ZBTB11: variants seen among roughly 807,000 people sequenced by gnomAD.
ZBTB11 encodes zinc finger and BTB domain containing 11, also known as zinc finger and BTB domain-containing protein 11.
ZBTB11 carries 68 observed loss-of-function variants against 113.1 expected under a neutral mutation model. The observed-to-expected ratio is 0.60, with a 90% CI of 0.49 to 0.74. The LOEUF (loss-of-function observed/expected upper bound fraction) is 0.74, where lower values mean the gene tolerates loss of function less well. Among genes scored for constraint, ZBTB11 ranks in the 30% least tolerant of loss-of-function variants. ZBTB11 has a pLI of 0.00. For synonymous variants in ZBTB11, 518 were observed against 452.6 expected (o/e 1.14, Z -1.83); for missense variants, 1,104 against 1,279.4 (o/e 0.86, Z 2.09).
intron 5 of ZBTB11, among the ~76,000 whole-genome samples, chr3:101,661,867 A>G (rs1576647342): frequency 6.7e-6 from 1 of 149,546 alleles, no homozygotes; most frequent in Non-Finnish European, 1.5e-5. Context: ...TGAGTATCTC[A>G]GACCAATTCT....
intron 5 of ZBTB11, among the ~76,000 whole-genome samples, chr3:101,661,827 A>G (rs1032601691): frequency 6.6e-6 from 1 of 152,062 alleles, no homozygotes; most frequent in Non-Finnish European, 1.5e-5. Flanking sequence ...ATTGTTTTCC[A>G]TGTTCTGTTT....
At position 101,651,084 on chromosome 3, in the gene ZBTB11, A is replaced by T. The variant is rs1936693212; in HGVS notation, c.*82T>A. On this transcript the variant is annotated 3_prime_UTR_variant, in exon 11 of 11. Coordinates refer to ENST00000312938, the MANE Select transcript of ZBTB11 (RefSeq NM_014415.4). Reference sequence around the variant, plus strand: ...ACTTTGATATGTAAACTCCAAGCAGACAGTCACACAGAATTGTAAACAAAT... The same window carrying T: ...ACTTTGATATGTAAACTCCAAGCAGTCAGTCACACAGAATTGTAAACAAAT... The T allele has an allele frequency of 1.4e-6, 2 of 1,441,074 alleles. No homozygotes were observed. Among genetic ancestry groups the T allele is most frequent in the South Asian group, 1.4e-5 (1 of 69,526 alleles). The allele number at this position is 1,441,074 out of a possible 1,614,324, so 89.3% of individuals were successfully genotyped here. A position where few individuals can be genotyped will look rare whatever the true frequency, so the allele number is the denominator to read the frequency against.
intron 10 of ZBTB11, 90 bp downstream of exon 10, chr3:101,652,406 C>A: frequency 7.6e-7 from 1 of 1,313,390 alleles, no homozygotes; most frequent in Non-Finnish European, 1.0e-6. Flanking sequence ...TAACCTTTTA[C>A]CAAGGAAGGT....
chr3:101,657,753 G>T (rs1254973642), intron 6 of ZBTB11, among the ~76,000 whole-genome samples: 1 of 152,110 alleles, frequency 6.6e-6, no homozygotes, highest in African/African-American at 2.4e-5. Flanking sequence ...GGGAGGCCCA[G>T]GTGGGAGAAC....
chr3:101,670,965 A>C, intron 3 of ZBTB11, 165 bp downstream of exon 3: 1 of 585,912 alleles, frequency 1.7e-6, no homozygotes, highest in Non-Finnish European at 3.1e-6. Flanking sequence ...CCATAACTCT[A>C]CCACAGAAAT....
chr3:101,657,409 G>A (rs975014311), intron 6 of ZBTB11, among the ~76,000 whole-genome samples: 1 of 151,880 alleles, frequency 6.6e-6, no homozygotes, highest in Non-Finnish European at 1.5e-5. Flanking sequence ...GGGAGGCTGA[G>A]GCAGGAGAAT....
chr3:101,662,009 GTTATT>G, intron 5 of ZBTB11: 1 of 150,236 alleles, frequency 6.7e-6, no homozygotes, highest in South Asian at 2.1e-4. Flanking sequence ...AAATACTCTA[GTTATT>G]TTAATGTGCC....
intron 6 of ZBTB11, among the ~76,000 whole-genome samples, chr3:101,658,605 C>G (rs887462142): frequency 3.3e-5 from 5 of 152,062 alleles, no homozygotes; most frequent in Non-Finnish European, 7.4e-5. Context: ...CTCACGGCAA[C>G]CACCACCTCC....
intron 1 of ZBTB11, among the ~76,000 whole-genome samples, chr3:101,675,076 G>A (rs548067165): frequency 9.8e-5 from 15 of 152,324 alleles, no homozygotes; most frequent in Admixed American, 2.6e-4. Context: ...TCCAAAAAAG[G>A]GAGATAAGTA....
At chr3:101,671,026 G>A in intron 3 of ZBTB11, 104 bp downstream of exon 3, 3 of 906,744 alleles carry the variant, frequency 3.3e-6, no homozygotes, top group Non-Finnish European at 1.7e-6. Context: ...TTGTTAGTGG[G>A]CTTCTCTTAC....
chr3:101,657,452 A>C (rs1936818582), intron 6 of ZBTB11, among the ~76,000 whole-genome samples: 1 of 150,456 alleles, frequency 6.6e-6, no homozygotes, highest in African/African-American at 2.4e-5. Context: ...GTTGCAGTGA[A>C]CTGAGATGGC....
chr3:101,673,934 G>A (rs776870983), intron 1 of ZBTB11, among the ~76,000 whole-genome samples: 1 of 151,822 alleles, frequency 6.6e-6, no homozygotes, highest in Non-Finnish European at 1.5e-5. Context: ...AAAAATTTTA[G>A]CTATATGCAA....
At chr3:101,657,986 A>G (rs1936826420) in intron 6 of ZBTB11, among the ~76,000 whole-genome samples, 1 of 152,136 alleles carries the variant, frequency 6.6e-6, no homozygotes, top group Admixed American at 6.6e-5. Context: ...GGGTAATAAG[A>G]AAGACCCTGT....
At chr3:101,666,882 G>A (rs149714681) in intron 3 of ZBTB11, among the ~76,000 whole-genome samples, 104 of 152,028 alleles carry the variant, frequency 6.8e-4, no homozygotes, top group Admixed American at 4.6e-4. Context: ...TCCGGAGTAG[G>A]TGCGACTACA....
chr3:101,672,416 AT>A (rs987704794), intron 1 of ZBTB11, among the ~76,000 whole-genome samples: 1 of 152,112 alleles, frequency 6.6e-6, no homozygotes, highest in African/African-American at 2.4e-5. Flanking sequence ...TGCTGAGGTA[AT>A]TTTTTTTATT....
chr3:101,651,932 C>T (rs866587105), intron 10 of ZBTB11, among the ~76,000 whole-genome samples: 3 of 152,068 alleles, frequency 2.0e-5, no homozygotes, highest in Non-Finnish European at 4.4e-5. Flanking sequence ...AGTTTGAGAC[C>T]AGCCTGACCA....
intron 5 of ZBTB11, among the ~76,000 whole-genome samples, chr3:101,661,144 G>C (rs1936879774): frequency 6.6e-6 from 1 of 151,510 alleles, no homozygotes; most frequent in African/African-American, 2.4e-5. Context: ...TAAGACAGGA[G>C]GATCGTTTGA....
At chr3:101,672,879 G>C (rs1937105470) in intron 1 of ZBTB11, among the ~76,000 whole-genome samples, 1 of 152,184 alleles carries the variant, frequency 6.6e-6, no homozygotes, top group South Asian at 2.1e-4. Context: ...CCAGTTCTCT[G>C]ATCTTTGTCC....
At chr3:101,653,033 A>G in intron 8 of ZBTB11, 95 bp from the exon 9 acceptor site, 1 of 1,302,146 alleles carries the variant, frequency 7.7e-7, no homozygotes, top group Non-Finnish European at 1.0e-6. Flanking sequence ...TTAGAACTCC[A>G]AAAGATGATC....
Sources: gnomAD v4.1 joint callset for allele counts (sites outside exome capture counted in the v4.1 genomes callset) on GRCh38, gnomAD v4.1.1 for gene constraint, MANE v1.5 for transcripts, NCBI Gene and HGNC (gene_info 2026-07-23, HGNC 2026-07-21) for gene names.